Variants in AKAP7 observed in about 807,000 individuals in gnomAD.
AKAP7 encodes the protein A kinase (PRKA) anchor protein 7.
A neutral mutation model predicts 39.5 loss-of-function variants in AKAP7; 39 were observed. The ratio of observed to expected loss-of-function variants is 0.99; its 90% CI spans 0.76 to 1.29. The LOEUF (loss-of-function observed/expected upper bound fraction) is 1.29, where lower values mean the gene tolerates loss of function less well. Among genes scored for constraint, AKAP7 ranks in the 50% most tolerant of loss-of-function variants. The pLI is 0.00. For missense variants in AKAP7, 414 were observed against 407.7 expected (o/e 1.02, Z -0.13); for synonymous variants, 140 against 139.1 (o/e 1.01, Z -0.05).
intron 7 of AKAP7, chr6:131,241,938 C>T (rs989809307): frequency 4.8e-6 from 3 of 624,872 alleles, no homozygotes; most frequent in Non-Finnish European, 6.0e-6. Context: ...TACAGAGAAA[C>T]TTGCTCTGGT....
intron 7 of AKAP7, among the ~76,000 whole-genome samples, chr6:131,226,269 T>TA (rs1810154357): frequency 6.6e-6 from 1 of 152,252 alleles, no homozygotes. Context: ...ATTTTCCTCT[T>TA]AATCTTCTGC....
upstream of AKAP7, among the ~76,000 whole-genome samples, chr6:131,132,935 T>C (rs1246420509): frequency 6.6e-6 from 1 of 152,134 alleles, no homozygotes; most frequent in African/African-American, 2.4e-5. Flanking sequence ...AAGTATTTTG[T>C]GGGGGGTAGT....
intron 5 of AKAP7, among the ~76,000 whole-genome samples, chr6:131,186,120 T>G (rs1038921710): frequency 6.6e-6 from 1 of 152,212 alleles, no homozygotes; most frequent in Non-Finnish European, 1.5e-5. Flanking sequence ...TATGTTGAAA[T>G]GTAATCCCCA....
intron 1 of AKAP7, among the ~76,000 whole-genome samples, chr6:131,144,216 C>A (rs1246675697): frequency 6.6e-6 from 1 of 150,680 alleles, no homozygotes; most frequent in African/African-American, 2.4e-5. Flanking sequence ...CCACCCTTCC[C>A]GCCTTTCTAT....
intron 7 of AKAP7, among the ~76,000 whole-genome samples, chr6:131,227,309 T>C (rs1048156192): frequency 2.0e-5 from 3 of 152,162 alleles, no homozygotes; most frequent in African/African-American, 7.2e-5. Context: ...TAGTGATAGA[T>C]GACACTTTGA....
chr6:131,148,160 A>AT (rs2089088842), intron 2 of AKAP7, among the ~76,000 whole-genome samples: 1 of 152,152 alleles, frequency 6.6e-6, no homozygotes, highest in Non-Finnish European at 1.5e-5. Context: ...GATATGATAT[A>AT]TTTTTTACCA....
At chr6:131,234,483 G>C (rs34409673) in intron 7 of AKAP7, among the ~76,000 whole-genome samples, 21,089 of 152,094 alleles carry the variant, frequency 0.14, 1,846 homozygotes, top group Middle Eastern at 0.27. Context: ...GTGGAGGGAG[G>C]CAAATGAAAG....
chr6:131,248,238 T>G (rs1347894737), intron 7 of AKAP7, among the ~76,000 whole-genome samples: 1 of 152,158 alleles, frequency 6.6e-6, no homozygotes, highest in Admixed American at 6.5e-5. Context: ...CAATGCAAAT[T>G]AAAAGCTTTA....
At chr6:131,220,700 C>G (rs1280378527) in intron 7 of AKAP7, among the ~76,000 whole-genome samples, 1 of 151,868 alleles carries the variant, frequency 6.6e-6, no homozygotes, top group African/African-American at 2.4e-5. Context: ...TATCAATTGT[C>G]TTTCTGGGCC....
rs890125947 is a variant in AKAP7 at position 131,281,978 on chromosome 6, C to T, written c.*252C>T. ...CCCAAGTTTCATTCGCCCTCAGCCA[C>T]GCACAAGGGAAAGGGAACTTTGGGT... On this transcript the variant is annotated 3_prime_UTR_variant, in exon 8 of 8. Transcript: ENST00000431975. The surrounding 1 kb of genome is among the most constrained non-coding windows in gnomAD (Gnocchi z 4.0). 1.2e-5 allele frequency: 14 copies of T among 1,189,842 alleles called. No homozygotes were observed. The highest frequency in any genetic ancestry group is 3.8e-5 in the East Asian group (1 of 26,442). The allele number at this position is 1,189,842 out of a possible 1,614,324, so 73.7% of individuals were successfully genotyped here. A position where few individuals can be genotyped will look rare whatever the true frequency, so the allele number is the denominator to read the frequency against.
At chr6:131,197,887 G>A (rs1234204243) in intron 5 of AKAP7, among the ~76,000 whole-genome samples, 2 of 152,174 alleles carry the variant, frequency 1.3e-5, no homozygotes, top group African/African-American at 4.8e-5. Context: ...TGAAGGCCCC[G>A]AGCTGTGGGA....
chr6:131,164,886 TC>T (rs1318052861), intron 3 of AKAP7, among the ~76,000 whole-genome samples, 194 bp from the exon 4 acceptor site: 1 of 152,222 alleles, frequency 6.6e-6, no homozygotes, highest in African/African-American at 2.4e-5. Flanking sequence ...AACTTACACA[TC>T]CTTTTAAGCT....
At chr6:131,219,555 GTAACAA>G in intron 6 of AKAP7, 100 bp from the exon 7 acceptor site, 1 of 1,034,904 alleles carries the variant, frequency 9.7e-7, no homozygotes, top group Non-Finnish European at 1.4e-6. Flanking sequence ...AGGCAGTGGT[GTAACAA>G]TGTAGTAATG....
chr6:131,172,196 A>G (rs1396735089), intron 5 of AKAP7, among the ~76,000 whole-genome samples: 1 of 152,210 alleles, frequency 6.6e-6, no homozygotes, highest in African/African-American at 2.4e-5. Flanking sequence ...ACAAAAACCT[A>G]TAAATAATTA....
chr6:131,247,273 A>G (rs1289038886), intron 7 of AKAP7, among the ~76,000 whole-genome samples: 442 of 10,776 alleles, frequency 0.041, 15 homozygotes, highest in African/African-American at 0.17. Context: ...TCATATGTAT[A>G]TATATATATA....
chr6:131,132,593 A>G (rs1408633831), upstream of AKAP7, among the ~76,000 whole-genome samples: 1 of 149,314 alleles, frequency 6.7e-6, no homozygotes, highest in Non-Finnish European at 1.5e-5. Flanking sequence ...CTGTTCCTGG[A>G]CCACAACACC....
At chr6:131,258,810 A>G (rs1207473244) in intron 7 of AKAP7, among the ~76,000 whole-genome samples, 3 of 152,242 alleles carry the variant, frequency 2.0e-5, no homozygotes, top group Non-Finnish European at 2.9e-5. Context: ...ACTTATTTAT[A>G]TACTTTCCCC....
chr6:131,214,625 T>G (rs1321498091), intron 6 of AKAP7, among the ~76,000 whole-genome samples: 2 of 152,208 alleles, frequency 1.3e-5, no homozygotes, highest in Non-Finnish European at 2.9e-5. Context: ...ATAAGTAGCA[T>G]CTATGAATTC....
chr6:131,228,985 A>T (rs1810418411), intron 7 of AKAP7, among the ~76,000 whole-genome samples: 1 of 152,226 alleles, frequency 6.6e-6, no homozygotes, highest in African/African-American at 2.4e-5. Flanking sequence ...ATTCTGTGTA[A>T]CAAAAATGGG....
Sources: gnomAD v4.1 joint callset for allele counts (sites outside exome capture counted in the v4.1 genomes callset) on GRCh38, gnomAD v4.1.1 for gene constraint, Gnocchi (gnomAD v3.1) non-coding constraint, MANE v1.5 for transcripts, NCBI Gene and HGNC (gene_info 2026-07-23, HGNC 2026-07-21) for gene names.